ASAP1: variants seen among roughly 807,000 people sequenced by gnomAD.
ASAP1 encodes the protein ArfGAP with SH3 domain, ankyrin repeat and PH domain 1.
Under a neutral mutation model 145.2 loss-of-function variants are expected in ASAP1, and 43 were observed. The ratio of observed to expected loss-of-function variants is 0.30; its 90% CI spans 0.23 to 0.38. ASAP1 has a LOEUF of 0.38. ASAP1 is among the 10% of genes least tolerant of loss of function. ASAP1 has a pLI of 1.00. For synonymous variants in ASAP1, 546 were observed against 515.5 expected (o/e 1.06, Z -0.80); for missense variants, 1,018 against 1,355.3 (o/e 0.75, Z 3.91).
intron 3 of ASAP1, among the ~76,000 whole-genome samples, chr8:130,284,523 T>C (rs1388552893): frequency 1.3e-5 from 2 of 151,756 alleles, no homozygotes; most frequent in East Asian, 3.9e-4. Context: ...GGGCTGAAAA[T>C]AAACTAAAAG....
chr8:130,174,430 TAAC>T (rs1192626805), intron 9 of ASAP1, among the ~76,000 whole-genome samples: 1 of 152,164 alleles, frequency 6.6e-6, no homozygotes, highest in Non-Finnish European at 1.5e-5. Context: ...TACTGTAACA[TAAC>T]AAGATCTTCA....
intron 25 of ASAP1, among the ~76,000 whole-genome samples, chr8:130,088,983 A>G (rs1377614932): frequency 6.6e-6 from 1 of 152,234 alleles, no homozygotes; most frequent in Non-Finnish European, 1.5e-5. Flanking sequence ...GAATCCAGAC[A>G]GTATGACACT....
At chr8:130,100,730 C>T (rs749258210) in intron 24 of ASAP1, among the ~76,000 whole-genome samples, 18 of 152,112 alleles carry the variant, frequency 1.2e-4, no homozygotes, top group African/African-American at 2.9e-4. Context: ...TTGTATATTC[C>T]GGATATACAA....
chr8:130,087,923 G>C lies in ASAP1; in HGVS notation c.2572+4050C>G, dbSNP rs80105663. ...CTAGAAAAAACAATGGCCAAGACAG[G>C]GGTTTGAGACTTTTGAGGTTGCTGG... On this transcript the variant is annotated intron_variant, in intron 25 of 29. Coordinates refer to ENST00000518721, the MANE Select transcript of ASAP1 (RefSeq NM_018482.4). 7.1e-3 allele frequency among the ~76,000 whole-genome samples: 1,074 copies of C among 152,170 alleles called. 15 individuals are homozygous for C. Among genetic ancestry groups the C allele is most frequent in the African/African-American group, 0.025 (1,028 of 41,510 alleles).
At chr8:130,410,690 GC>G (rs1829228668) in intron 1 of ASAP1, among the ~76,000 whole-genome samples, 1 of 152,236 alleles carries the variant, frequency 6.6e-6, no homozygotes, top group Non-Finnish European at 1.5e-5. Context: ...TGAGCGCAGA[GC>G]CATCTGGGCA....
At chr8:130,160,275 A>C (rs181983521) in intron 11 of ASAP1, among the ~76,000 whole-genome samples, 9 of 152,340 alleles carry the variant, frequency 5.9e-5, no homozygotes, top group African/African-American at 1.4e-4. Context: ...GACTGAATCC[A>C]GTTTACACTA....
intron 2 of ASAP1, among the ~76,000 whole-genome samples, chr8:130,362,926 C>G (rs1826784441): frequency 6.6e-6 from 1 of 152,170 alleles, no homozygotes; most frequent in Non-Finnish European, 1.5e-5. Context: ...AAAACAACTT[C>G]TAGGGGATGA....
chr8:130,409,261 C>CA lies in ASAP1; in HGVS notation c.-27-7292dup, dbSNP rs10710342. Among the ~76,000 whole-genome samples the CA allele has an allele frequency of 6.1e-4, 88 of 143,126 alleles. 1 individual carries two copies. Among genetic ancestry groups the CA allele is most frequent in the East Asian group, 4.3e-3 (20 of 4,672 alleles). The allele number at this position is 143,126 out of a possible 152,430, so 93.9% of individuals were successfully genotyped here. On this transcript the variant is annotated intron_variant, in intron 1 of 29. Transcript: ENST00000518721. The stretch of plus-strand genomic sequence containing the variant: ...TGGGTGACAGAGTGAGACGGTGTCT[C>CA]AAAAAAAAAAACAAAAAACCTCCTC...
chr8:130,130,088 C>T lies in ASAP1; in HGVS notation c.1218-1998G>A, dbSNP rs144084061. The stretch of plus-strand genomic sequence containing the variant: ...CATTCTAGCATTTGGCTAATATTGG[C>T]CAGTATCTACTATGTACCAAATACT... On this transcript the variant is annotated intron_variant, in intron 15 of 29. Transcript: ENST00000518721. Among the ~76,000 whole-genome samples the T allele has an allele frequency of 2.9e-3, 440 of 152,238 alleles. 1 individual carries two copies. Among genetic ancestry groups the T allele is most frequent in the African/African-American group, 0.01 (426 of 41,536 alleles).
chr8:130,350,386 G>T (rs1331679755), intron 3 of ASAP1, among the ~76,000 whole-genome samples: 3 of 152,160 alleles, frequency 2.0e-5, no homozygotes, highest in African/African-American at 7.2e-5. Context: ...ACCTCTCAAA[G>T]CAATGAGGAC....
chr8:130,403,301 T>TTTTTAA (rs60441663), intron 1 of ASAP1, among the ~76,000 whole-genome samples: 11,026 of 151,006 alleles, frequency 0.073, 499 homozygotes, highest in African/African-American at 0.11. Context: ...TGTTTTTTTT[T>TTTTTAA]AAAAAACCCA....
intron 4 of ASAP1, among the ~76,000 whole-genome samples, chr8:130,223,289 G>A (rs750839488): frequency 1.3e-5 from 2 of 152,126 alleles, no homozygotes; most frequent in Non-Finnish European, 2.9e-5. Flanking sequence ...ACAGAGACTT[G>A]GGTCTGAATC....
rs903884754 is a variant in ASAP1 at position 130,357,918 on chromosome 8, C to T, written c.186+99G>A. 12 of 1,457,534 alleles carry T rather than the reference C, an allele frequency of 8.2e-6. No individual in the cohort carries two copies. The African/African-American group carries it at 1.6e-4, about 19-fold the overall frequency. 90.3% of individuals were successfully genotyped at this position (1,457,534 alleles called of 1,614,324 possible). On this transcript the variant is annotated intron_variant, in intron 3 of 29. Transcript: ENST00000518721. Reference sequence around the variant, plus strand: ...GCTCCCTGAGGGGGTGTGGCGCCCCCGGCCCCCGCGTCCCCTTCCTCCCAG... The same window carrying T: ...GCTCCCTGAGGGGGTGTGGCGCCCCTGGCCCCCGCGTCCCCTTCCTCCCAG...
At chr8:130,290,841 T>C (rs1821901617) in intron 3 of ASAP1, among the ~76,000 whole-genome samples, 1 of 152,188 alleles carries the variant, frequency 6.6e-6, no homozygotes, top group Admixed American at 6.5e-5. Flanking sequence ...ACACAGACTT[T>C]CCCCTCCTTG....
At chr8:130,440,155 T>G (rs1830442528) in intron 1 of ASAP1, among the ~76,000 whole-genome samples, 1 of 152,126 alleles carries the variant, frequency 6.6e-6, no homozygotes, top group Admixed American at 6.5e-5. Flanking sequence ...GCTGTCCAGT[T>G]CTAAGCCACC....
At chr8:130,397,083 C>G (rs1285516692) in intron 2 of ASAP1, among the ~76,000 whole-genome samples, 1 of 152,124 alleles carries the variant, frequency 6.6e-6, no homozygotes, top group Non-Finnish European at 1.5e-5. Context: ...ATGACAACCG[C>G]ATTGCTGTGG....
At chr8:130,133,922 G>C (rs867646250) in intron 15 of ASAP1, among the ~76,000 whole-genome samples, 12 of 152,202 alleles carry the variant, frequency 7.9e-5, no homozygotes, top group African/African-American at 2.9e-4. Context: ...CTGAGGGCAA[G>C]GGATGTGATT....
chr8:130,318,290 C>T (rs1366864243), intron 3 of ASAP1, among the ~76,000 whole-genome samples: 1 of 152,110 alleles, frequency 6.6e-6, no homozygotes, highest in Non-Finnish European at 1.5e-5. Context: ...CTATGTTGCC[C>T]AGGCTGGTTT....
chr8:130,441,554 A>T (rs1473933150), intron 1 of ASAP1, among the ~76,000 whole-genome samples: 2 of 152,188 alleles, frequency 1.3e-5, no homozygotes, highest in African/African-American at 4.8e-5. Flanking sequence ...TGTCCTAGCT[A>T]ACTGGGGTTC....
Sources: allele counts gnomAD v4.1 joint callset (sites outside exome capture counted in the v4.1 genomes callset), GRCh38; gene constraint gnomAD v4.1.1; transcripts MANE v1.5; gene names NCBI Gene and HGNC (gene_info 2026-07-23, HGNC 2026-07-21).